The following PTBP2 variants were observed in gnomAD, a reference collection of about 807,000 sequenced individuals.
The protein encoded by PTBP2 is polypyrimidine tract-binding protein 2.
PTBP2 carries 13 observed loss-of-function variants against 61.4 expected under a neutral mutation model. The observed-to-expected ratio is 0.21, with a 90% CI of 0.14 to 0.34. The LOEUF is 0.34. Among genes scored for constraint, PTBP2 ranks in the 10% least tolerant of loss-of-function variants. The pLI is 1.00. For synonymous variants in PTBP2, 215 were observed against 218.5 expected (o/e 0.98, Z 0.14); for missense variants, 405 against 642.6 (o/e 0.63, Z 4.00).
intron 9 of PTBP2, 38 bp from the exon 10 acceptor site, chr1:96,806,381 T>C (rs373936386): frequency 5.7e-5 from 84 of 1,477,552 alleles, no homozygotes; most frequent in Non-Finnish European, 7.4e-5. Flanking sequence ...TCTTCTCTCT[T>C]CTTGTCTTAC....
At chr1:96,764,579 C>T (rs567341708) in intron 3 of PTBP2, among the ~76,000 whole-genome samples, 120 of 152,290 alleles carry the variant, frequency 7.9e-4, no homozygotes, top group Non-Finnish European at 1.2e-3. Flanking sequence ...AGCAGTTAAA[C>T]CATTCCATAG....
chr1:96,757,296 A>G (rs894098953), intron 3 of PTBP2, among the ~76,000 whole-genome samples: 3 of 152,062 alleles, frequency 2.0e-5, no homozygotes, highest in Non-Finnish European at 4.4e-5. Flanking sequence ...AGTAAGCACA[A>G]GAAAGTTGAT....
At chr1:96,795,014 G>T (rs1396314968) in intron 8 of PTBP2, among the ~76,000 whole-genome samples, 2 of 152,168 alleles carry the variant, frequency 1.3e-5, no homozygotes, top group Non-Finnish European at 2.9e-5. Context: ...TGGAAGATGA[G>T]CATCAGAGTG....
chr1:96,756,550 T>C (rs1557714525), intron 3 of PTBP2, among the ~76,000 whole-genome samples: 1 of 152,186 alleles, frequency 6.6e-6, no homozygotes, highest in Non-Finnish European at 1.5e-5. Flanking sequence ...CAAGAAGTCC[T>C]TTAGGAGGTG....
At chr1:96,723,849 G>A (rs779131795) in intron 2 of PTBP2, among the ~76,000 whole-genome samples, 8 of 152,102 alleles carry the variant, frequency 5.3e-5, no homozygotes, top group Non-Finnish European at 1.2e-4. Flanking sequence ...TTCACACATG[G>A]CTTCTTGTAA....
At chr1:96,747,179 T>G (rs751362246) in intron 2 of PTBP2, among the ~76,000 whole-genome samples, 11 of 151,854 alleles carry the variant, frequency 7.2e-5, no homozygotes, top group Admixed American at 3.3e-4. Flanking sequence ...CCTTTGCATC[T>G]TAGATAAAAA....
chr1:96,782,301 C>CT (rs1478479925), intron 7 of PTBP2, among the ~76,000 whole-genome samples: 1 of 151,898 alleles, frequency 6.6e-6, no homozygotes, highest in Non-Finnish European at 1.5e-5. Context: ...CATTTCATCA[C>CT]TAACTGATAA....
At chr1:96,811,930 C>T (rs1356739696) in intron 11 of PTBP2, among the ~76,000 whole-genome samples, 1 of 152,156 alleles carries the variant, frequency 6.6e-6, no homozygotes, top group African/African-American at 2.4e-5. Context: ...TCACACACTG[C>T]ACTATGTTCT....
chr1:96,756,454 A>G (rs970471855), intron 3 of PTBP2, among the ~76,000 whole-genome samples: 5 of 152,222 alleles, frequency 3.3e-5, no homozygotes, highest in Non-Finnish European at 7.3e-5. Context: ...ATTTGCCTAA[A>G]GGAGTTGAAA....
Position 96,804,881 on chromosome 1 carries a change from T to C in PTBP2, c.986T>C (p.Met329Thr). The C allele has an allele frequency of 6.2e-7, 1 of 1,612,028 alleles. No individual in the cohort carries two copies. Among genetic ancestry groups the C allele is most frequent in the Non-Finnish European group, 8.5e-7 (1 of 1,178,866 alleles). ...GCAGCTGCTGCTGGCCGAGTGGGTA[T>C]GCCTGGAGTCTCAGCTGGTGGCAAT... ...AAAAAAGRVGMPGVSAGGNTV... is the reference protein window; with the variant it reads ...AAAAAAGRVGTPGVSAGGNTV... Residue 329 changes from methionine to threonine, a missense_variant, in exon 9 of 14, where the codon ATG becomes ACG. This residue lies in a region of PTBP2 where 342 missense variants were observed against 491.2 expected (regional missense o/e 0.70). Coordinates refer to ENST00000674951, the MANE Select transcript of PTBP2 (RefSeq NM_021190.4).
intron 7 of PTBP2, among the ~76,000 whole-genome samples, chr1:96,782,934 GA>G (rs1658852799): frequency 6.6e-6 from 1 of 151,818 alleles, no homozygotes; most frequent in Non-Finnish European, 1.5e-5. Flanking sequence ...AAATTTACAT[GA>G]AAACTTTTTT....
At chr1:96,819,301 C>G (rs1294943130), downstream of PTBP2, 1 of 151,974 alleles carries the variant, frequency 6.6e-6, no homozygotes. Context: ...TAGAGCTGTA[C>G]TATAAATATA....
intron 3 of PTBP2, among the ~76,000 whole-genome samples, chr1:96,760,440 CTTTTTTT>C (rs989047792): frequency 2.9e-4 from 24 of 83,076 alleles, no homozygotes; most frequent in Middle Eastern, 0.016. Context: ...AAATAGTTTG[CTTTTTTT>C]TTTTTTTTTT....
intron 2 of PTBP2, among the ~76,000 whole-genome samples, chr1:96,744,425 T>G (rs1202837264): frequency 6.6e-6 from 1 of 152,196 alleles, no homozygotes. Context: ...CCCCCTGTTG[T>G]ATATATACCT....
chr1:96,821,090 G>A (rs1045469478), exon 14 of PTBP2: 1 of 152,130 alleles, frequency 6.6e-6, no homozygotes, highest in Non-Finnish European at 1.5e-5. Context: ...CAATGGAGGT[G>A]ATGATAGTAC....
chr1:96,729,876 A>C (rs1037047927), intron 2 of PTBP2, among the ~76,000 whole-genome samples: 5 of 151,854 alleles, frequency 3.3e-5, no homozygotes, highest in African/African-American at 9.7e-5. Context: ...AGCTGGGATC[A>C]CAGGCACACA....
chr1:96,770,882 G>T (rs747800531), intron 5 of PTBP2, 31 bp downstream of exon 5: 8 of 1,509,414 alleles, frequency 5.3e-6, no homozygotes, highest in Non-Finnish European at 7.3e-6. Flanking sequence ...AAATAAAATG[G>T]CCTAGAACAT....
chr1:96,749,751 TGTA>T, intron 2 of PTBP2: 1 of 445,246 alleles, frequency 2.2e-6, no homozygotes, highest in Non-Finnish European at 4.6e-6. Flanking sequence ...TTGGGAATAT[TGTA>T]GTGAGCACTA....
chr1:96,783,823 T>G (rs1223450170), intron 7 of PTBP2, among the ~76,000 whole-genome samples: 1 of 152,092 alleles, frequency 6.6e-6, no homozygotes, highest in Non-Finnish European at 1.5e-5. Flanking sequence ...GATTGATACA[T>G]GGCTTCCACT....
Sources: gnomAD v4.1 joint callset for allele counts (sites outside exome capture counted in the v4.1 genomes callset) on GRCh38, gnomAD v4.1.1 for gene constraint, gnomAD v4.1.1 regional missense constraint, MANE v1.5 for transcripts, NCBI Gene and HGNC (gene_info 2026-07-23, HGNC 2026-07-21) for gene names.